Variants in SYNJ2 observed in about 807,000 individuals in gnomAD.
SYNJ2 encodes the protein polyphosphatidylinositol phosphatase SYNJ2.
Under a neutral mutation model 141.3 loss-of-function variants are expected in SYNJ2, and 116 were observed. The ratio of observed to expected loss-of-function variants is 0.82; its 90% CI spans 0.71 to 0.96. The LOEUF is 0.96. SYNJ2 is among the 40% of genes least tolerant of loss of function. The pLI is 0.00. For missense variants in SYNJ2, 1,873 were observed against 1,934.8 expected, an observed-to-expected ratio of 0.97 and a Z score of 0.60; for synonymous variants, 745 against 777.7, an observed-to-expected ratio of 0.96 and a Z score of 0.70.
At chr6:158,026,528 G>A (rs1779057617) in intron 2 of SYNJ2, among the ~76,000 whole-genome samples, 1 of 152,044 alleles carries the variant, frequency 6.6e-6, no homozygotes, top group African/African-American at 2.4e-5. Flanking sequence ...CCTCCTCCCT[G>A]GACCCAGGAG....
Position 158,069,431 on chromosome 6 carries a change from A to G in SYNJ2, c.1800-102A>G, listed in dbSNP as rs116798432. 3.6e-5 allele frequency: 50 copies of G among 1,397,746 alleles called. No homozygotes were observed. The East Asian group carries it at 9.3e-4, about 26-fold the overall frequency. The allele number at this position is 1,397,746 out of a possible 1,614,324, so 86.6% of individuals were successfully genotyped here. A position where few individuals can be genotyped will look rare whatever the true frequency, so the allele number is the denominator to read the frequency against. On this transcript the variant is annotated intron_variant, in intron 13 of 26. Transcript: ENST00000355585. ...ATTGGGGTGCGGGCAGCGTGAAATC[A>G]GTTCTGCAAACAGAATAGGCTTGGG...
At chr6:158,018,593 C>T (rs948501964) in intron 2 of SYNJ2, among the ~76,000 whole-genome samples, 2 of 152,310 alleles carry the variant, frequency 1.3e-5, no homozygotes, top group African/African-American at 2.4e-5. Context: ...TGAACTGTGA[C>T]GATTACAGTG....
At chr6:158,006,704 ACT>A (rs1452059024) in intron 1 of SYNJ2, among the ~76,000 whole-genome samples, 12 of 151,924 alleles carry the variant, frequency 7.9e-5, no homozygotes, top group African/African-American at 2.9e-4. Context: ...ACGGAGTCTC[ACT>A]CTGTCGCCCT....
chr6:158,093,748 G>T, intron 26 of SYNJ2: 1 of 620,794 alleles, frequency 1.6e-6, no homozygotes, highest in African/African-American at 1.8e-5. Context: ...GCCCATTTGC[G>T]TGTGGTCTGT....
At chr6:158,078,049 T>G in intron 17 of SYNJ2, 115 bp from the exon 18 acceptor site, 1 of 656,176 alleles carries the variant, frequency 1.5e-6, no homozygotes, top group Non-Finnish European at 2.7e-6. Context: ...GGAGGATGAG[T>G]CTGGGACGTG....
At chr6:158,036,744 A>C (rs1212290545) in intron 4 of SYNJ2, among the ~76,000 whole-genome samples, 1 of 152,214 alleles carries the variant, frequency 6.6e-6, no homozygotes, top group Non-Finnish European at 1.5e-5. Flanking sequence ...TTACCTATGT[A>C]ACAAACCTGC....
chr6:158,037,276 T>C (rs1779686318), intron 4 of SYNJ2, among the ~76,000 whole-genome samples: 1 of 142,220 alleles, frequency 7.0e-6, no homozygotes, highest in African/African-American at 2.7e-5. Context: ...CTTGGTGGCC[T>C]CTGGCAAGCA....
intron 2 of SYNJ2, chr6:158,017,663 C>T: frequency 4.3e-6 from 2 of 468,084 alleles, no homozygotes; most frequent in South Asian, 1.5e-5. Flanking sequence ...GGTCCACCTG[C>T]CTCAGCCTCC....
At chr6:158,028,579 C>A (rs890275020) in intron 2 of SYNJ2, 177 bp from the exon 3 acceptor site, 4 of 776,412 alleles carry the variant, frequency 5.2e-6, no homozygotes, top group Non-Finnish European at 8.1e-6. Flanking sequence ...CCGCCTGAAG[C>A]TTACAGGACA....
chr6:158,063,339 G>A (rs1355096673), intron 8 of SYNJ2, among the ~76,000 whole-genome samples: 1 of 152,114 alleles, frequency 6.6e-6, no homozygotes, highest in East Asian at 1.9e-4. Context: ...GGACACTGGG[G>A]TTTCTGGGGG....
chr6:158,081,404 C>G, intron 19 of SYNJ2, 28 bp from the exon 20 acceptor site: 1 of 1,613,650 alleles, frequency 6.2e-7, no homozygotes, highest in Non-Finnish European at 8.5e-7. Flanking sequence ...TCGTTCTTGG[C>G]ATTGACTTGG....
At chr6:157,985,950 T>G (rs1777185112) in intron 1 of SYNJ2, among the ~76,000 whole-genome samples, 1 of 152,230 alleles carries the variant, frequency 6.6e-6, no homozygotes, top group Non-Finnish European at 1.5e-5. Flanking sequence ...CAGCTGCTGT[T>G]GTGCGAGGCC....
At position 157,982,943 on chromosome 6, in the gene SYNJ2, C is replaced by T. The variant is rs747278630; in HGVS notation, c.127+855C>T. On this transcript the variant is annotated intron_variant, in intron 1 of 26. Coordinates refer to ENST00000355585, the MANE Select transcript of SYNJ2 (RefSeq NM_003898.4). This position sits in a 1 kb window ranked among gnomAD's most constrained non-coding sequence, Gnocchi z 4.0. ...TTTGTGCTAACCATTATAAGGAAAA[C>T]CTGGGTAGCACCAAAGCACGTGAAA... is the stretch of plus-strand genomic sequence containing the variant. Among the ~76,000 whole-genome samples, 1 of 152,144 alleles carries T rather than the reference C, an allele frequency of 6.6e-6. No individual in the cohort carries two copies. Among genetic ancestry groups the T allele is most frequent in the Non-Finnish European group, 1.5e-5 (1 of 68,034 alleles).
At chr6:158,029,765 C>T (rs1323752030) in intron 3 of SYNJ2, among the ~76,000 whole-genome samples, 1 of 152,098 alleles carries the variant, frequency 6.6e-6, no homozygotes, top group Admixed American at 6.6e-5. Flanking sequence ...GTTCGGGTCA[C>T]CGTGCTAAGA....
intron 12 of SYNJ2, among the ~76,000 whole-genome samples, chr6:158,068,216 G>C (rs955193951): frequency 1.3e-5 from 2 of 151,620 alleles, no homozygotes; most frequent in Non-Finnish European, 2.9e-5. Flanking sequence ...AACAGAGAAG[G>C]AAGTGGACAG....
At chr6:158,091,914 T>A (rs947740026) in intron 25 of SYNJ2, among the ~76,000 whole-genome samples, 1 of 152,102 alleles carries the variant, frequency 6.6e-6, no homozygotes, top group African/African-American at 2.4e-5. Context: ...CAGAAAGTTC[T>A]TCTTGCTTTC....
Position 158,096,486 on chromosome 6 carries a change from T to C in SYNJ2, c.*122T>C. On this transcript the variant is annotated 3_prime_UTR_variant, in exon 27 of 27. Transcript: ENST00000355585. ...GCCAAAACGTTTGTGCATCTGTCAC[T>C]CTCGTGTAGTTTACAAAAATCGTGT... 8.5e-7 allele frequency: 1 copy of C among 1,174,372 alleles called. No homozygotes were observed. The allele number at this position is 1,174,372 out of a possible 1,614,324, so 72.7% of individuals were successfully genotyped here.
At chr6:158,032,198 G>A (rs937414046) in intron 3 of SYNJ2, among the ~76,000 whole-genome samples, 1 of 152,156 alleles carries the variant, frequency 6.6e-6, no homozygotes, top group South Asian at 2.1e-4. Context: ...CTCCCTGTGG[G>A]GGTGCATGTG....
intron 4 of SYNJ2, among the ~76,000 whole-genome samples, chr6:158,039,175 G>T (rs898632772): frequency 2.0e-5 from 3 of 152,214 alleles, no homozygotes; most frequent in Admixed American, 6.5e-5. Flanking sequence ...GAATATTTTT[G>T]TTTATGTCAC....
Sources: gnomAD v4.1 joint callset for allele counts (sites outside exome capture counted in the v4.1 genomes callset) on GRCh38, gnomAD v4.1.1 for gene constraint, Gnocchi (gnomAD v3.1) non-coding constraint, MANE v1.5 for transcripts, NCBI Gene and HGNC (gene_info 2026-07-23, HGNC 2026-07-21) for gene names.